The following ZNRF3 variants were observed in gnomAD, a reference collection of about 807,000 sequenced individuals.
ZNRF3 encodes the protein zinc and ring finger 3.
A neutral mutation model predicts 72.5 loss-of-function variants in ZNRF3; 23 were observed. That is an observed-to-expected ratio of 0.32 (90% CI 0.23 to 0.45). The LOEUF is 0.45. ZNRF3 is among the 20% of genes least tolerant of loss of function. The pLI, the probability that ZNRF3 is intolerant of heterozygous loss-of-function variation, is 1.00. For synonymous variants in ZNRF3, 610 were observed against 545.3 expected (o/e 1.12, Z -1.65); for missense variants, 1,169 against 1,272.1 (o/e 0.92, Z 1.23).
chr22:28,951,500 A>C (rs1472311796), intron 1 of ZNRF3, among the ~76,000 whole-genome samples: 1 of 152,220 alleles, frequency 6.6e-6, no homozygotes, highest in Non-Finnish European at 1.5e-5. Context: ...ACCAGAAGCT[A>C]GGGGAGAGGT....
rs1402003301 is a variant in ZNRF3, at chr22:29,030,318, G to A, written c.427-12177G>A. On this transcript the variant is annotated intron_variant, in intron 2 of 8. Coordinates refer to ENST00000544604, the MANE Select transcript of ZNRF3 (RefSeq NM_001206998.2). The surrounding 1 kb of genome is among the most constrained non-coding windows in gnomAD (Gnocchi z 4.2). ...GGGTACCAACCTGTGCAATGGCGCCGCGACCCGGCCGCGGACTCCAGCCTC... is the reference window on the plus strand; with the variant it reads ...GGGTACCAACCTGTGCAATGGCGCCACGACCCGGCCGCGGACTCCAGCCTC... Among the ~76,000 whole-genome samples, 1 of 152,164 alleles carries A rather than the reference G, an allele frequency of 6.6e-6. No individual in the cohort carries two copies. The highest frequency in any genetic ancestry group is 1.5e-5 in the Non-Finnish European group (1 of 68,034).
At chr22:28,956,022 C>T (rs1019876165) in intron 1 of ZNRF3, among the ~76,000 whole-genome samples, 2 of 152,104 alleles carry the variant, frequency 1.3e-5, no homozygotes, top group African/African-American at 4.8e-5. Flanking sequence ...AGGATTATCC[C>T]CTCTAGGAGC....
At chr22:29,003,130 T>A (rs1374734199) in intron 2 of ZNRF3, among the ~76,000 whole-genome samples, 1 of 152,216 alleles carries the variant, frequency 6.6e-6, no homozygotes, top group East Asian at 1.9e-4. Context: ...ATATCATGAT[T>A]ATGTTTTTAA....
chr22:28,932,930 T>C (rs1420146902), intron 1 of ZNRF3, among the ~76,000 whole-genome samples: 4 of 152,228 alleles, frequency 2.6e-5, no homozygotes, highest in Non-Finnish European at 5.9e-5. Flanking sequence ...ATCTTTCCCA[T>C]GCCCCCTTCC....
intron 1 of ZNRF3, among the ~76,000 whole-genome samples, chr22:28,908,881 C>T (rs1452774890): frequency 1.3e-5 from 2 of 151,874 alleles, no homozygotes; most frequent in East Asian, 3.9e-4. Context: ...CTGGTGTCTC[C>T]GTTGGGTGTT....
intron 1 of ZNRF3, among the ~76,000 whole-genome samples, chr22:28,939,425 G>A (rs73881201): frequency 0.028 from 4,296 of 152,188 alleles, 213 homozygotes; most frequent in African/African-American, 0.099. Flanking sequence ...TAGCATAAAC[G>A]TATAATCTCT....
At chr22:28,948,879 T>C (rs2035102136) in intron 1 of ZNRF3, among the ~76,000 whole-genome samples, 1 of 152,254 alleles carries the variant, frequency 6.6e-6, no homozygotes, top group South Asian at 2.1e-4. Flanking sequence ...TATTATCATC[T>C]CATGCATTGG....
chr22:28,939,749 C>T (rs978266384), intron 1 of ZNRF3, among the ~76,000 whole-genome samples: 3 of 152,100 alleles, frequency 2.0e-5, no homozygotes, highest in African/African-American at 7.2e-5. Flanking sequence ...AGTTGTAGAA[C>T]CAGATGCTGT....
intron 1 of ZNRF3, among the ~76,000 whole-genome samples, chr22:28,973,871 CA>C (rs1274161370): frequency 6.6e-6 from 1 of 151,768 alleles, no homozygotes; most frequent in African/African-American, 2.4e-5. Flanking sequence ...TACAAAAAAC[CA>C]ATACATCCCA....
Position 28,883,766 on chromosome 22 carries a change from C to T in ZNRF3, c.-1C>T. On this transcript the variant is annotated 5_prime_UTR_variant, in exon 1 of 9. Coordinates refer to ENST00000544604, the MANE Select transcript of ZNRF3 (RefSeq NM_001206998.2). This position sits in a 1 kb window ranked among gnomAD's most constrained non-coding sequence, Gnocchi z 5.5. ...CCTCCGCGCCCTCCCGCCGCAGGAC[C>T]ATGAGGCCGCGCTCGGGCGGGCGCC... 2.0e-6 allele frequency: 2 copies of T among 980,626 alleles called. No individual in the cohort carries two copies. The highest frequency in any genetic ancestry group is 2.4e-6 in the Non-Finnish European group (2 of 827,952). 60.7% of individuals were successfully genotyped at this position (980,626 alleles called of 1,614,324 possible).
intron 1 of ZNRF3, among the ~76,000 whole-genome samples, chr22:28,934,889 A>T (rs1350885791): frequency 6.6e-6 from 1 of 151,628 alleles, no homozygotes; most frequent in Non-Finnish European, 1.5e-5. Flanking sequence ...TCCTGTAGAT[A>T]TCACTGGGAC....
intron 1 of ZNRF3, among the ~76,000 whole-genome samples, chr22:28,983,236 T>G (rs1317919536): frequency 1.3e-5 from 2 of 152,034 alleles, no homozygotes; most frequent in African/African-American, 4.8e-5. Flanking sequence ...ATAGAGGAGT[T>G]TGGAGGAGAG....
At chr22:29,018,100 C>T (rs368504031) in intron 2 of ZNRF3, 7 of 516,606 alleles carry the variant, frequency 1.4e-5, no homozygotes, top group Non-Finnish European at 2.7e-5. Flanking sequence ...ACGGGCAGAC[C>T]GGATCCAAAC....
At chr22:28,916,977 G>T (rs1048265830) in intron 1 of ZNRF3, among the ~76,000 whole-genome samples, 2 of 152,092 alleles carry the variant, frequency 1.3e-5, no homozygotes, top group African/African-American at 4.8e-5. Flanking sequence ...CCACACAGCT[G>T]TTAGGCCCCC....
rs2037306343 is a variant in ZNRF3 at position 29,056,693 on chromosome 22, G to GC, written c.*3072dup. On this transcript the variant is annotated 3_prime_UTR_variant, in exon 9 of 9. Transcript: ENST00000544604. ...GGCAGGGTCAAGTGACCCAGCCCTG[G>GC]CTGTAGGACAGCCATATACAGTGAA... 6.6e-6 allele frequency: 1 copy of GC among 152,192 alleles called. No homozygotes were observed. Among genetic ancestry groups the GC allele is most frequent in the Non-Finnish European group, 1.5e-5 (1 of 68,042 alleles). The allele number at this position is 152,192 out of a possible 1,614,324, so 9.4% of individuals were successfully genotyped here.
intron 2 of ZNRF3, among the ~76,000 whole-genome samples, chr22:29,019,475 A>T (rs2123858621): frequency 6.6e-6 from 1 of 152,314 alleles, no homozygotes; most frequent in South Asian, 2.1e-4. Flanking sequence ...TTCTGTTCCC[A>T]TATGAAAGCT....
At chr22:28,967,938 A>AAG (rs1230323007) in intron 1 of ZNRF3, among the ~76,000 whole-genome samples, 1 of 151,482 alleles carries the variant, frequency 6.6e-6, no homozygotes, top group African/African-American at 2.4e-5. Flanking sequence ...AAAAAAAAAA[A>AAG]AAAAAGAAAA....
intron 2 of ZNRF3, chr22:28,992,812 A>G (rs2019375081): frequency 6.6e-6 from 1 of 152,254 alleles, no homozygotes; most frequent in Non-Finnish European, 1.5e-5. Flanking sequence ...GTCTATGTGT[A>G]CTACATAGAA....
chr22:29,015,291 T>G (rs2036412491), intron 2 of ZNRF3, among the ~76,000 whole-genome samples: 1 of 152,198 alleles, frequency 6.6e-6, no homozygotes, highest in African/African-American at 2.4e-5. Flanking sequence ...AACTTACCAG[T>G]TTGAATTGTT....
Sources: gnomAD v4.1 joint callset for allele counts (sites outside exome capture counted in the v4.1 genomes callset) on GRCh38, gnomAD v4.1.1 for gene constraint, Gnocchi (gnomAD v3.1) non-coding constraint, MANE v1.5 for transcripts, NCBI Gene and HGNC (gene_info 2026-07-23, HGNC 2026-07-21) for gene names.